MORC1: variants seen among roughly 807,000 people sequenced by gnomAD.
MORC1 encodes MORC family CW-type zinc finger 1, also known as MORC family CW-type zinc finger protein 1.
A neutral mutation model predicts 134.9 loss-of-function variants in MORC1; 59 were observed. That is an observed-to-expected ratio of 0.44 (90% CI 0.35 to 0.54). The LOEUF (loss-of-function observed/expected upper bound fraction) is 0.54. Ranked by LOEUF, MORC1 falls within the 20% of genes least tolerant of loss-of-function variation. MORC1 has a pLI of 0.00. For missense variants in MORC1, 947 were observed against 1,134.5 expected, an observed-to-expected ratio of 0.83 and a Z score of 2.37; for synonymous variants, 395 against 391.7, an observed-to-expected ratio of 1.01 and a Z score of -0.10.
intron 20 of MORC1, 29 bp from the exon 21 acceptor site, chr3:109,000,687 C>A (rs754790462): frequency 6.5e-7 from 1 of 1,545,566 alleles, no homozygotes; most frequent in South Asian, 1.1e-5. Flanking sequence ...AAAAAAAATA[C>A]AAGGATTAGT....
rs1169171790 is a variant in MORC1 at position 108,958,983 on chromosome 3, T to C, written c.2937A>G (p.Glu979=). 6.6e-7 allele frequency: 1 copy of C among 1,505,348 alleles called. No individual in the cohort carries two copies. The highest frequency in any genetic ancestry group is 1.5e-5 in the African/African-American group (1 of 68,804). 93.2% of individuals were successfully genotyped at this position (1,505,348 alleles called of 1,614,324 possible). Residue 979 remains glutamate, a synonymous_variant, in exon 28 of 28, where the codon GAA becomes GAG. Transcript: ENST00000232603. ...ARHRLPLEKN[E]KTSEN ...CTCTGACTTAATTTTCCGAAGTCTT[T>C]TCATTTTTTTCTAAAGGGAGTCTAT...
chr3:109,027,365 A>C (rs1182378714), intron 17 of MORC1, among the ~76,000 whole-genome samples: 1 of 152,178 alleles, frequency 6.6e-6, no homozygotes, highest in Non-Finnish European at 1.5e-5. Context: ...TTTACCTTAA[A>C]ACCCTCCCTC....
rs1950800506 is a variant in MORC1, at chr3:109,094,919, A to G, written c.573T>C (p.Tyr191=). Residue 191 remains tyrosine, a synonymous_variant, in exon 7 of 28, where the codon TAT becomes TAC. Transcript: ENST00000232603. ...AELMQQFDVI[Y]GKCGTLLVIY... Reference sequence around the variant, plus strand: ...TTTTGATGATCTTACCACATTTTCCATAGATCACATCAAACTGCTGCATCA... The same window carrying G: ...TTTTGATGATCTTACCACATTTTCCGTAGATCACATCAAACTGCTGCATCA... 1.9e-6 allele frequency: 3 copies of G among 1,564,784 alleles called. No homozygotes were observed. The highest frequency in any genetic ancestry group is 1.4e-5 in the African/African-American group (1 of 71,744).
intron 8 of MORC1, among the ~76,000 whole-genome samples, chr3:109,075,183 A>G (rs1285150344): frequency 6.6e-6 from 1 of 152,212 alleles, no homozygotes; most frequent in Non-Finnish European, 1.5e-5. Context: ...CTGATAGATC[A>G]TGCCATTATG....
rs768839015 is a variant in MORC1 at position 109,099,385 on chromosome 3, T to C, written c.396A>G (p.Thr132=). The change falls in exon 6 of 28, where the codon ACA becomes ACG. Residue 132 remains threonine (T), a synonymous_variant. Coordinates refer to ENST00000232603, the MANE Select transcript of MORC1 (RefSeq NM_014429.4). The part of the protein sequence containing the change: ...ETMTCVFFSQ[T]FCEEESLSEV... The stretch of plus-strand genomic sequence containing the variant: ...CACTAAGACTTTCTTCTTCACAGAA[T>C]GTCTGAGAAAAAAACACACAGGTCA... The C allele has an allele frequency of 2.5e-6, 4 of 1,611,848 alleles. No homozygotes were observed. In the East Asian group the frequency reaches 6.7e-5, roughly 27 times the overall value.
intron 24 of MORC1, among the ~76,000 whole-genome samples, chr3:108,973,271 C>G (rs979844126): frequency 1.3e-5 from 2 of 152,140 alleles, no homozygotes; most frequent in African/African-American, 4.8e-5. Flanking sequence ...TCTTACTGAA[C>G]TGATTTGGCC....
At chr3:109,112,046 T>C (rs1474305877) in intron 2 of MORC1, among the ~76,000 whole-genome samples, 1 of 152,248 alleles carries the variant, frequency 6.6e-6, no homozygotes, top group Non-Finnish European at 1.5e-5. Context: ...TATATAATCA[T>C]GCATTATACA....
intron 24 of MORC1, 91 bp from the exon 25 acceptor site, chr3:108,971,493 A>T: frequency 1.9e-6 from 2 of 1,062,698 alleles, no homozygotes; most frequent in Non-Finnish European, 2.8e-6. Flanking sequence ...CCTGGGTATT[A>T]AATATCCTGG....
chr3:109,094,419 G>A (rs4410448), intron 7 of MORC1, among the ~76,000 whole-genome samples: 30,952 of 152,106 alleles, frequency 0.2, 3,516 homozygotes, highest in Middle Eastern at 0.33. Context: ...CAGTGCATTC[G>A]ACGTGTTGAA....
chr3:109,098,955 G>C (rs972786179), intron 6 of MORC1, among the ~76,000 whole-genome samples: 1 of 152,188 alleles, frequency 6.6e-6, no homozygotes, highest in East Asian at 1.9e-4. Flanking sequence ...ATGGTCACCA[G>C]AGTTACAGTT....
intron 26 of MORC1, among the ~76,000 whole-genome samples, chr3:108,965,516 T>A (rs1183206665): frequency 2.0e-5 from 3 of 152,176 alleles, no homozygotes; most frequent in African/African-American, 4.8e-5. Flanking sequence ...CCTGAGTGGA[T>A]ATGACTATAA....
At chr3:109,054,424 G>A (rs1949908990) in intron 14 of MORC1, among the ~76,000 whole-genome samples, 3 of 152,220 alleles carry the variant, frequency 2.0e-5, no homozygotes. Context: ...CCAGTGCCCA[G>A]AGCAGGGTTT....
Position 109,110,741 on chromosome 3 carries a change from C to A in MORC1, c.154+8G>T, listed in dbSNP as rs1357192781. On this transcript the variant is annotated splice_region_variant and intron_variant, in intron 3 of 27. Coordinates refer to ENST00000232603, the MANE Select transcript of MORC1 (RefSeq NM_014429.4). ...AAGAAAATAAAAGAAGAAAGCAAAT[C>A]TGCTCACCTGAAAAGACATCAAGTC... The A allele has an allele frequency of 6.3e-7, 1 of 1,581,324 alleles. No homozygotes were observed. The highest frequency in any genetic ancestry group is 2.3e-5 in the East Asian group (1 of 44,010).
rs566096952 is a variant in MORC1, at chr3:108,991,524, T to C, written c.2188-4575A>G. On this transcript the variant is annotated intron_variant, in intron 21 of 27. Coordinates refer to ENST00000232603, the MANE Select transcript of MORC1 (RefSeq NM_014429.4). Reference sequence around the variant, plus strand: ...ATATTTCTTGGAATTCTTTCCTCTCTTGATCTTCATAGCCTTCTATGTCTC... The same window carrying C: ...ATATTTCTTGGAATTCTTTCCTCTCCTGATCTTCATAGCCTTCTATGTCTC... Among the ~76,000 whole-genome samples the C allele has an allele frequency of 2.0e-5, 3 of 152,330 alleles. No individual in the cohort carries two copies. In the South Asian group the frequency reaches 6.2e-4, roughly 32 times the overall value.
At chr3:109,073,561 C>A (rs1482584919) in intron 8 of MORC1, among the ~76,000 whole-genome samples, 1 of 152,162 alleles carries the variant, frequency 6.6e-6, no homozygotes, top group Non-Finnish European at 1.5e-5. Context: ...TCACACTGGG[C>A]ACACAGACAA....
intron 8 of MORC1, among the ~76,000 whole-genome samples, chr3:109,071,787 G>A (rs536410156): frequency 3.3e-5 from 5 of 152,258 alleles, no homozygotes; most frequent in African/African-American, 1.2e-4. Context: ...AGCATGTAGC[G>A]AAGTTCCAGA....
At chr3:109,106,801 T>A (rs1951050110) in intron 3 of MORC1, among the ~76,000 whole-genome samples, 1 of 152,178 alleles carries the variant, frequency 6.6e-6, no homozygotes. Context: ...AACAGCGCCC[T>A]ACCTTCTTGC....
At chr3:108,972,187 T>C (rs568599356) in intron 24 of MORC1, among the ~76,000 whole-genome samples, 1 of 152,324 alleles carries the variant, frequency 6.6e-6, no homozygotes, top group Non-Finnish European at 1.5e-5. Context: ...ATCCTTCTAC[T>C]GTGACAGCTT....
At position 109,085,532 on chromosome 3, in the gene MORC1, A is replaced by G. The variant is rs111818553; in HGVS notation, c.689+7904T>C. On this transcript the variant is annotated intron_variant, in intron 8 of 27. Coordinates refer to ENST00000232603, the MANE Select transcript of MORC1 (RefSeq NM_014429.4). ...AATGCTCAACATCACTAATCATCACAGAAATGTAAACCAAAACCACAATGA... is the reference window on the plus strand; with the variant it reads ...AATGCTCAACATCACTAATCATCACGGAAATGTAAACCAAAACCACAATGA... Among the ~76,000 whole-genome samples the G allele has an allele frequency of 1.1e-3, 170 of 152,278 alleles. 1 individual carries two copies. The highest frequency in any genetic ancestry group is 4.0e-3 in the African/African-American group (167 of 41,568).
Sources: allele counts gnomAD v4.1 joint callset (sites outside exome capture counted in the v4.1 genomes callset), GRCh38; gene constraint gnomAD v4.1.1; transcripts MANE v1.5; gene names NCBI Gene and HGNC (gene_info 2026-07-23, HGNC 2026-07-21).